Variants in ST6GALNAC3 observed in about 807,000 individuals in gnomAD.
The protein encoded by ST6GALNAC3 is alpha-N-acetylgalactosaminide alpha-2,6-sialyltransferase 3.
A neutral mutation model predicts 32.7 loss-of-function variants in ST6GALNAC3; 25 were observed. That is an observed-to-expected ratio of 0.76 (90% CI 0.56 to 1.07). ST6GALNAC3 has a LOEUF of 1.07. Ranked by LOEUF, ST6GALNAC3 falls within the 50% of genes least tolerant of loss-of-function variation. The pLI is 0.00. For synonymous variants in ST6GALNAC3, 129 were observed against 133.1 expected (o/e 0.97, Z 0.21); for missense variants, 355 against 382.4 (o/e 0.93, Z 0.60).
At chr1:76,439,696 T>A (rs1171518743) in intron 3 of ST6GALNAC3, among the ~76,000 whole-genome samples, 2 of 152,152 alleles carry the variant, frequency 1.3e-5, no homozygotes, top group Non-Finnish European at 2.9e-5. Flanking sequence ...AAACACTAGT[T>A]AAGCACAGAC....
intron 3 of ST6GALNAC3, among the ~76,000 whole-genome samples, chr1:76,598,794 T>C (rs576201283): frequency 1.3e-5 from 2 of 152,114 alleles, no homozygotes; most frequent in Non-Finnish European, 2.9e-5. Context: ...TTCTTTTCAC[T>C]GTGTTTAAGA....
At chr1:76,264,139 G>A (rs145049509) in intron 1 of ST6GALNAC3, among the ~76,000 whole-genome samples, 1 of 152,290 alleles carries the variant, frequency 6.6e-6, no homozygotes, top group African/African-American at 2.4e-5. Context: ...TTTTACAGAT[G>A]AGGAAACTTC....
intron 1 of ST6GALNAC3, among the ~76,000 whole-genome samples, chr1:76,284,828 C>T (rs1193172511): frequency 1.3e-5 from 2 of 152,094 alleles, no homozygotes; most frequent in Non-Finnish European, 2.9e-5. Flanking sequence ...TGCTTCACAC[C>T]ATATGCCATT....
chr1:76,417,221 C>T (rs1280399478), intron 3 of ST6GALNAC3, among the ~76,000 whole-genome samples: 17 of 137,206 alleles, frequency 1.2e-4, no homozygotes, highest in South Asian at 2.6e-4. Flanking sequence ...TTTTTTCTTT[C>T]TTTCTTTTTT....
intron 3 of ST6GALNAC3, among the ~76,000 whole-genome samples, chr1:76,541,935 C>A (rs1415610109): frequency 6.6e-6 from 1 of 152,154 alleles, no homozygotes; most frequent in Admixed American, 6.5e-5. Context: ...CTATTCACCC[C>A]TTCTGTCTTA....
intron 3 of ST6GALNAC3, among the ~76,000 whole-genome samples, chr1:76,605,696 T>C (rs912282034): frequency 2.0e-5 from 3 of 151,098 alleles, no homozygotes; most frequent in Non-Finnish European, 4.4e-5. Flanking sequence ...GAAACCCCGT[T>C]ACTACTAAAA....
At chr1:76,139,355 T>TACATATAAACATATAC (rs1196380263) in intron 1 of ST6GALNAC3, among the ~76,000 whole-genome samples, 1 of 152,088 alleles carries the variant, frequency 6.6e-6, no homozygotes, top group Non-Finnish European at 1.5e-5. Context: ...CTTACAAATA[T>TACATATAAACATATAC]ACATATAAAC....
At chr1:76,363,143 T>G (rs1321500328) in intron 2 of ST6GALNAC3, among the ~76,000 whole-genome samples, 1 of 152,242 alleles carries the variant, frequency 6.6e-6, no homozygotes, top group Admixed American at 6.5e-5. Context: ...GCTTCCCTTT[T>G]AAATATAAGT....
At chr1:76,277,896 C>A (rs1037572799) in intron 1 of ST6GALNAC3, among the ~76,000 whole-genome samples, 4 of 152,046 alleles carry the variant, frequency 2.6e-5, no homozygotes, top group Non-Finnish European at 5.9e-5. Flanking sequence ...AGCTTCTATA[C>A]ATTTACAATG....
At chr1:76,236,945 T>C (rs1374418626) in intron 1 of ST6GALNAC3, among the ~76,000 whole-genome samples, 2 of 152,104 alleles carry the variant, frequency 1.3e-5, no homozygotes, top group Non-Finnish European at 2.9e-5. Context: ...TAACATTCAG[T>C]GAACAGAGTC....
intron 1 of ST6GALNAC3, among the ~76,000 whole-genome samples, chr1:76,128,111 G>C (rs754511382): frequency 1.5e-4 from 23 of 152,082 alleles, no homozygotes; most frequent in South Asian, 6.2e-4. Flanking sequence ...CGAGAAGTCG[G>C]AGCCCATTGA....
intron 3 of ST6GALNAC3, among the ~76,000 whole-genome samples, chr1:76,604,607 C>G (rs1303263018): frequency 6.6e-6 from 1 of 152,164 alleles, no homozygotes; most frequent in African/African-American, 2.4e-5. Context: ...AATCTATAAT[C>G]TGATCATTTC....
intron 1 of ST6GALNAC3, chr1:76,307,887 A>G (rs1476543054): frequency 3.9e-6 from 2 of 515,948 alleles, no homozygotes; most frequent in African/African-American, 3.9e-5. Context: ...TTATTTTGGA[A>G]TAGGTATTTC....
chr1:76,311,639 C>G (rs781298557), intron 1 of ST6GALNAC3, among the ~76,000 whole-genome samples: 1 of 152,150 alleles, frequency 6.6e-6, no homozygotes, highest in Non-Finnish European at 1.5e-5. Context: ...TGTAGTATTC[C>G]ATAATGTGTA....
intron 2 of ST6GALNAC3, among the ~76,000 whole-genome samples, chr1:76,372,204 TGATTAA>T (rs2101083358): frequency 6.6e-6 from 1 of 152,290 alleles, no homozygotes; most frequent in African/African-American, 2.4e-5. Context: ...AGAAACAGAC[TGATTAA>T]GAGCTCTGCC....
chr1:76,304,745 C>A (rs989540300), intron 1 of ST6GALNAC3, among the ~76,000 whole-genome samples: 1 of 152,024 alleles, frequency 6.6e-6, no homozygotes, highest in Non-Finnish European at 1.5e-5. Context: ...CAGCTGATGT[C>A]ATTATCATCG....
intron 1 of ST6GALNAC3, among the ~76,000 whole-genome samples, chr1:76,160,807 C>CTCT (rs1651757476): frequency 6.6e-6 from 1 of 152,228 alleles, no homozygotes; most frequent in Non-Finnish European, 1.5e-5. Context: ...CCACAAACAA[C>CTCT]ATGTGGACTT....
chr1:76,104,726 G>C (rs1236444034), intron 1 of ST6GALNAC3, among the ~76,000 whole-genome samples: 1 of 151,114 alleles, frequency 6.6e-6, no homozygotes, highest in East Asian at 1.9e-4. Flanking sequence ...TACTGATAAA[G>C]ACATACCTGA....
chr1:76,229,415 C>A (rs1265110152), intron 1 of ST6GALNAC3, among the ~76,000 whole-genome samples: 2 of 152,148 alleles, frequency 1.3e-5, no homozygotes, highest in Non-Finnish European at 2.9e-5. Context: ...CTTCCCTGCA[C>A]CCATAACCTT....
Sources: allele counts gnomAD v4.1 joint callset (sites outside exome capture counted in the v4.1 genomes callset), GRCh38; gene constraint gnomAD v4.1.1; transcripts MANE v1.5; gene names NCBI Gene and HGNC (gene_info 2026-07-23, HGNC 2026-07-21).